KLHL32: variants seen among roughly 807,000 people sequenced by gnomAD.
KLHL32 encodes the protein kelch-like protein 32.
A neutral mutation model predicts 64.8 loss-of-function variants in KLHL32; 35 were observed. The observed-to-expected ratio is 0.54, with a 90% CI of 0.41 to 0.72. The LOEUF is 0.72. Ranked by LOEUF, KLHL32 falls within the 30% of genes least tolerant of loss-of-function variation. KLHL32 has a pLI of 0.00. For missense variants in KLHL32, 589 were observed against 768.5 expected, an observed-to-expected ratio of 0.77 and a Z score of 2.76; for synonymous variants, 259 against 281.0, an observed-to-expected ratio of 0.92 and a Z score of 0.78.
intron 4 of KLHL32, among the ~76,000 whole-genome samples, chr6:97,053,879 A>C (rs1466503259): frequency 6.6e-6 from 1 of 152,108 alleles, no homozygotes; most frequent in Non-Finnish European, 1.5e-5. Context: ...CATATACTAC[A>C]CATACACTAC....
the KLHL32 span, among the ~76,000 whole-genome samples, chr6:96,908,970 C>CA: frequency 9.2e-5 from 14 of 152,080 alleles, no homozygotes; most frequent in South Asian, 1.9e-3. Context: ...AACACTGCAG[C>CA]AAAAAAGAGG....
intron 4 of KLHL32, among the ~76,000 whole-genome samples, chr6:97,063,562 GAGA>G (rs1159953961): frequency 6.6e-6 from 1 of 152,214 alleles, no homozygotes; most frequent in Non-Finnish European, 1.5e-5. Flanking sequence ...TCCAGTGGCA[GAGA>G]AGGAGTTGGA....
intron 3 of KLHL32, among the ~76,000 whole-genome samples, chr6:96,999,218 A>C (rs1458812599): frequency 1.3e-5 from 2 of 152,124 alleles, no homozygotes; most frequent in Non-Finnish European, 2.9e-5. Context: ...CGACATAGGG[A>C]CACCCCATCT....
At chr6:96,976,304 T>A (rs1180742558) in intron 3 of KLHL32, 127 bp downstream of exon 3, 2 of 857,908 alleles carry the variant, frequency 2.3e-6, no homozygotes, top group Non-Finnish European at 3.4e-6. Flanking sequence ...GGGCCTTTGT[T>A]CTTTCCTGGG....
chr6:97,054,188 T>C (rs996178674), intron 4 of KLHL32, among the ~76,000 whole-genome samples: 1 of 152,220 alleles, frequency 6.6e-6, no homozygotes, highest in African/African-American at 2.4e-5. Flanking sequence ...ATGATTTATA[T>C]TGGAAGTTAT....
chr6:96,905,038 T>G, the KLHL32 span, among the ~76,000 whole-genome samples: 2 of 152,206 alleles, frequency 1.3e-5, no homozygotes, highest in Admixed American at 6.5e-5. Context: ...TTGCTTTATA[T>G]GGAAGTAAGG....
At chr6:97,071,454 C>T (rs1790697120) in intron 5 of KLHL32, among the ~76,000 whole-genome samples, 1 of 152,186 alleles carries the variant, frequency 6.6e-6, no homozygotes, top group Non-Finnish European at 1.5e-5. Context: ...CATGGGAGCT[C>T]TGCATGGGCA....
intron 5 of KLHL32, among the ~76,000 whole-genome samples, chr6:97,069,768 C>T (rs1275554054): frequency 6.6e-6 from 1 of 151,968 alleles, no homozygotes; most frequent in African/African-American, 2.4e-5. Context: ...TACTACCAGC[C>T]TTTCATTAGT....
At chr6:97,068,191 T>C (rs1323319729) in intron 5 of KLHL32, among the ~76,000 whole-genome samples, 1 of 152,220 alleles carries the variant, frequency 6.6e-6, no homozygotes, top group Non-Finnish European at 1.5e-5. Flanking sequence ...AAAAAAAAGT[T>C]TATACATTTT....
intron 3 of KLHL32, among the ~76,000 whole-genome samples, chr6:97,012,138 G>A (rs1780490437): frequency 6.6e-6 from 1 of 152,142 alleles, no homozygotes; most frequent in South Asian, 2.1e-4. Flanking sequence ...CCCTGTTCAT[G>A]TCTGCCATTA....
intron 3 of KLHL32, among the ~76,000 whole-genome samples, chr6:97,008,883 C>T (rs1780009956): frequency 1.3e-5 from 2 of 148,932 alleles, no homozygotes; most frequent in Admixed American, 1.3e-4. Context: ...GGGAGATGTT[C>T]CTCCTGGCTG....
intron 8 of KLHL32, among the ~76,000 whole-genome samples, chr6:97,130,119 G>T (rs773000268): frequency 1.3e-5 from 2 of 152,134 alleles, no homozygotes; most frequent in Non-Finnish European, 2.9e-5. Context: ...TTATCTAGCG[G>T]CCTGAGGTAC....
chr6:96,976,241 A>G (rs2128043974), intron 3 of KLHL32, 64 bp downstream of exon 3: 3 of 1,421,820 alleles, frequency 2.1e-6, no homozygotes, highest in Non-Finnish European at 2.9e-6. Flanking sequence ...TGTTTCCCAA[A>G]CTGTCACTAA....
intron 3 of KLHL32, among the ~76,000 whole-genome samples, chr6:97,012,800 G>T (rs1457523068): frequency 6.6e-6 from 1 of 152,194 alleles, no homozygotes; most frequent in African/African-American, 2.4e-5. Flanking sequence ...CATATAAGAA[G>T]TAATTGGGTT....
chr6:96,913,685 T>C, the KLHL32 span, among the ~76,000 whole-genome samples: 2 of 152,158 alleles, frequency 1.3e-5, no homozygotes, highest in Admixed American at 1.3e-4. Context: ...CTGTTCATAG[T>C]TGGAGAAAAA....
chr6:96,934,265 G>T (rs1770295629), intron 1 of KLHL32, among the ~76,000 whole-genome samples: 1 of 152,160 alleles, frequency 6.6e-6, no homozygotes, highest in Non-Finnish European at 1.5e-5. Context: ...GTGAGAATCT[G>T]CATTAGTATT....
At chr6:97,073,152 C>CCT (rs1791025737) in intron 5 of KLHL32, among the ~76,000 whole-genome samples, 1 of 152,168 alleles carries the variant, frequency 6.6e-6, no homozygotes, top group African/African-American at 2.4e-5. Context: ...ATCCCCTCAC[C>CCT]CCTGTCTTCC....
At chr6:96,982,428 G>A (rs893326265) in intron 3 of KLHL32, among the ~76,000 whole-genome samples, 2 of 151,962 alleles carry the variant, frequency 1.3e-5, no homozygotes, top group Non-Finnish European at 2.9e-5. Context: ...CCTTTACATT[G>A]AGCCTTTGGG....
intron 5 of KLHL32, among the ~76,000 whole-genome samples, chr6:97,077,271 T>A (rs1791743452): frequency 6.6e-6 from 1 of 152,216 alleles, no homozygotes; most frequent in Non-Finnish European, 1.5e-5. Flanking sequence ...CTTTTTAAAG[T>A]CTACTGAAGC....
Sources: allele counts gnomAD v4.1 joint callset (sites outside exome capture counted in the v4.1 genomes callset), GRCh38; gene constraint gnomAD v4.1.1; transcripts MANE v1.5; gene names NCBI Gene and HGNC (gene_info 2026-07-23, HGNC 2026-07-21).